The following ST6GALNAC3 variants were observed in gnomAD, a reference collection of about 807,000 sequenced individuals.
ST6GALNAC3 encodes ST6 N-acetylgalactosaminide alpha-2,6-sialyltransferase 3.
Under a neutral mutation model 32.7 loss-of-function variants are expected in ST6GALNAC3, and 25 were observed. The observed-to-expected ratio is 0.76, with a 90% confidence interval of 0.56 to 1.07. The LOEUF is 1.07. ST6GALNAC3 is among the 50% of genes least tolerant of loss of function. ST6GALNAC3 has a pLI of 0.00. For synonymous variants in ST6GALNAC3, 129 were observed against 133.1 expected (o/e 0.97, Z 0.21); for missense variants, 355 against 382.4 (o/e 0.93, Z 0.60).
intron 3 of ST6GALNAC3, among the ~76,000 whole-genome samples, chr1:76,611,823 A>T (rs1163727958): frequency 6.6e-6 from 1 of 152,200 alleles, no homozygotes; most frequent in Non-Finnish European, 1.5e-5. Context: ...GCTAAAAATC[A>T]TTCCTTACCC....
At chr1:76,339,689 C>G (rs1391922317) in intron 2 of ST6GALNAC3, among the ~76,000 whole-genome samples, 2 of 152,108 alleles carry the variant, frequency 1.3e-5, no homozygotes, top group African/African-American at 4.8e-5. Context: ...TGAGTGCCTA[C>G]TATGTGTCCA....
At chr1:76,088,194 G>A (rs1392984302) in intron 1 of ST6GALNAC3, among the ~76,000 whole-genome samples, 1 of 152,188 alleles carries the variant, frequency 6.6e-6, no homozygotes, top group African/African-American at 2.4e-5. Flanking sequence ...TTCTGTGGCA[G>A]TGGTAAGATT....
Position 76,267,636 on chromosome 1 carries a change from T to C in ST6GALNAC3, c.19-46169T>C, listed in dbSNP as rs574548184. Among the ~76,000 whole-genome samples the C allele has an allele frequency of 2.0e-5, 3 of 152,352 alleles. No homozygotes were observed. The South Asian group carries it at 6.2e-4, about 32-fold the overall frequency. ...ATATTTTCTGAAGGAAGTAGACTGT[T>C]ATCTTCATTATCACCTCCGTAAAAT... On this transcript the variant is annotated intron_variant, in intron 1 of 4. Coordinates refer to ENST00000328299, the MANE Select transcript of ST6GALNAC3 (RefSeq NM_152996.4).
intron 3 of ST6GALNAC3, among the ~76,000 whole-genome samples, chr1:76,475,946 G>A (rs536699577): frequency 3.9e-5 from 6 of 152,260 alleles, no homozygotes; most frequent in South Asian, 2.1e-4. Context: ...GAGAACATGC[G>A]GTGTTTGGTT....
At chr1:76,591,350 G>C (rs1647045636) in intron 3 of ST6GALNAC3, among the ~76,000 whole-genome samples, 1 of 152,048 alleles carries the variant, frequency 6.6e-6, no homozygotes, top group Non-Finnish European at 1.5e-5. Context: ...TTTATTTTCA[G>C]CTAAATAAAT....
chr1:76,339,371 C>T (rs898160450), intron 2 of ST6GALNAC3, among the ~76,000 whole-genome samples: 12 of 152,190 alleles, frequency 7.9e-5, no homozygotes, highest in Admixed American at 1.3e-4. Flanking sequence ...AGCCATGAGC[C>T]AGGCATGTGG....
At chr1:76,576,815 G>A in intron 3 of ST6GALNAC3, 1 of 1,302,942 alleles carries the variant, frequency 7.7e-7, no homozygotes. Context: ...ATTTTCTTCT[G>A]CCATTTCTTC....
At chr1:76,291,858 T>A (rs998953146) in intron 1 of ST6GALNAC3, among the ~76,000 whole-genome samples, 11 of 152,262 alleles carry the variant, frequency 7.2e-5, no homozygotes, top group African/African-American at 2.7e-4. Context: ...TCTCCAGTAA[T>A]GTGTGAATGT....
intron 1 of ST6GALNAC3, among the ~76,000 whole-genome samples, chr1:76,191,869 T>C (rs1023342577): frequency 6.6e-6 from 1 of 150,734 alleles, no homozygotes; most frequent in African/African-American, 2.4e-5. Context: ...AAATTGAGAG[T>C]AGTAAAAAAT....
chr1:76,178,131 G>A (rs528328906), intron 1 of ST6GALNAC3, among the ~76,000 whole-genome samples: 3 of 152,336 alleles, frequency 2.0e-5, no homozygotes, highest in African/African-American at 7.2e-5. Flanking sequence ...GCCCTTCAGA[G>A]GCTCTGCCTC....
chr1:76,385,792 A>G (rs1166227201), intron 2 of ST6GALNAC3, among the ~76,000 whole-genome samples: 1 of 152,134 alleles, frequency 6.6e-6, no homozygotes, highest in Non-Finnish European at 1.5e-5. Flanking sequence ...GCTTACATTG[A>G]TGACAAGTTT....
At chr1:76,395,011 C>T (rs1050093004) in intron 2 of ST6GALNAC3, among the ~76,000 whole-genome samples, 1 of 152,062 alleles carries the variant, frequency 6.6e-6, no homozygotes, top group African/African-American at 2.4e-5. Context: ...CATTTTATGG[C>T]AATTGGTCTG....
chr1:76,568,638 A>G (rs1665690734), intron 3 of ST6GALNAC3, among the ~76,000 whole-genome samples: 2 of 152,178 alleles, frequency 1.3e-5, no homozygotes, highest in South Asian at 4.1e-4. Flanking sequence ...CAACCAAACA[A>G]TAACAGACAG....
At chr1:76,616,991 C>T (rs1412354145) in intron 3 of ST6GALNAC3, among the ~76,000 whole-genome samples, 1 of 152,158 alleles carries the variant, frequency 6.6e-6, no homozygotes, top group East Asian at 1.9e-4. Flanking sequence ...GGCTGAGGCT[C>T]ATTTAACAAT....
intron 1 of ST6GALNAC3, among the ~76,000 whole-genome samples, chr1:76,296,269 A>AGT (rs757049759): frequency 2.0e-5 from 3 of 152,056 alleles, no homozygotes; most frequent in Non-Finnish European, 4.4e-5. Context: ...CTTCTTGGGA[A>AGT]GTGTGTGTGT....
In ST6GALNAC3 at chr1:76,418,775, C is replaced by T. The variant is rs79446561; in HGVS notation, c.623+6358C>T. On this transcript the variant is annotated intron_variant, in intron 3 of 4. Transcript: ENST00000328299. Reference sequence around the variant, plus strand: ...AGCAGTCATGGGCAGATCCATAGGACTCCTTAGTCAAAAAGCATAATACTG... The same window carrying T: ...AGCAGTCATGGGCAGATCCATAGGATTCCTTAGTCAAAAAGCATAATACTG... Among the ~76,000 whole-genome samples the T allele has an allele frequency of 6.2e-3, 949 of 152,068 alleles. 9 individuals are homozygous for T. The highest frequency in any genetic ancestry group is 0.028 in the South Asian group (136 of 4,812).
At chr1:76,112,785 C>A (rs1165487188) in intron 1 of ST6GALNAC3, among the ~76,000 whole-genome samples, 13 of 151,886 alleles carry the variant, frequency 8.6e-5, no homozygotes, top group Non-Finnish European at 1.6e-4. Flanking sequence ...CGATGGGCGG[C>A]CGGGCAGAGA....
intron 2 of ST6GALNAC3, among the ~76,000 whole-genome samples, chr1:76,397,369 C>CTTTTTTTTT (rs66473246): frequency 8.1e-6 from 1 of 124,092 alleles, no homozygotes; most frequent in Non-Finnish European, 1.6e-5. Context: ...CTATAAGATG[C>CTTTTTTTTT]TTTTTTTTTT....
At chr1:76,266,901 C>T (rs1658559510) in intron 1 of ST6GALNAC3, among the ~76,000 whole-genome samples, 1 of 152,152 alleles carries the variant, frequency 6.6e-6, no homozygotes, top group Non-Finnish European at 1.5e-5. Context: ...CCTAAGTGGC[C>T]CAGAGAAATA....
Sources: gnomAD v4.1 joint callset for allele counts (sites outside exome capture counted in the v4.1 genomes callset) on GRCh38, gnomAD v4.1.1 for gene constraint, MANE v1.5 for transcripts, NCBI Gene and HGNC (gene_info 2026-07-23, HGNC 2026-07-21) for gene names.